SLC30A8: variants seen among roughly 807,000 people sequenced by gnomAD.
The protein encoded by SLC30A8 is solute carrier family 30 member 8.
Under a neutral mutation model 36.9 loss-of-function variants are expected in SLC30A8, and 27 were observed. That is an observed-to-expected ratio of 0.73 (90% CI 0.54 to 1.01). SLC30A8 has a LOEUF of 1.01. Among genes scored for constraint, SLC30A8 ranks in the 50% least tolerant of loss-of-function variants. The pLI, the probability that SLC30A8 is intolerant of heterozygous loss-of-function variation, is 0.00. For missense variants in SLC30A8, 439 were observed against 452.0 expected (o/e 0.97, Z 0.26); for synonymous variants, 164 against 172.4 (o/e 0.95, Z 0.38).
intron 2 of SLC30A8, among the ~76,000 whole-genome samples, chr8:117,093,519 C>A (rs1261509389): frequency 5.9e-5 from 9 of 151,976 alleles, no homozygotes; most frequent in African/African-American, 2.2e-4. Flanking sequence ...GATGCAGGAA[C>A]TTATATTGGT....
intron 1 of SLC30A8, among the ~76,000 whole-genome samples, chr8:116,968,639 A>G (rs1470492224): frequency 1.4e-5 from 2 of 137,990 alleles, no homozygotes; most frequent in South Asian, 2.4e-4. Context: ...TGCAGGTCTC[A>G]TGACAATGAA....
At chr8:116,986,223 T>C (rs774444458) in intron 1 of SLC30A8, among the ~76,000 whole-genome samples, 27 of 151,982 alleles carry the variant, frequency 1.8e-4, no homozygotes, top group Admixed American at 2.6e-4. Context: ...CACACATATA[T>C]GTGTTCATCT....
At chr8:117,000,388 A>G (rs997481667) in intron 1 of SLC30A8, among the ~76,000 whole-genome samples, 4 of 152,196 alleles carry the variant, frequency 2.6e-5, no homozygotes, top group Non-Finnish European at 5.9e-5. Context: ...TAAGGCTTGT[A>G]GAAATTGTGA....
intron 1 of SLC30A8, among the ~76,000 whole-genome samples, chr8:116,961,424 G>A (rs10107060): frequency 0.015 from 2,243 of 152,008 alleles, 62 homozygotes; most frequent in African/African-American, 0.051. Context: ...GCAAGACTCC[G>A]TCTCAAAACA....
intron 1 of SLC30A8, among the ~76,000 whole-genome samples, chr8:117,139,281 G>T (rs1010640345): frequency 2.0e-5 from 3 of 152,030 alleles, no homozygotes; most frequent in Non-Finnish European, 2.9e-5. Context: ...GGTTAATTGG[G>T]GTTATAAGAG....
chr8:116,971,331 A>G (rs2130617428), intron 1 of SLC30A8, among the ~76,000 whole-genome samples: 1 of 152,202 alleles, frequency 6.6e-6, no homozygotes, highest in African/African-American at 2.4e-5. Context: ...CACATCAACT[A>G]AATTAAAGTA....
intron 2 of SLC30A8, among the ~76,000 whole-genome samples, chr8:117,111,919 T>A (rs1195229779): frequency 1.3e-5 from 2 of 152,096 alleles, no homozygotes; most frequent in Non-Finnish European, 2.9e-5. Flanking sequence ...CCTTGTTTAA[T>A]ATCTGGAAAT....
chr8:116,997,004 T>G (rs1316915674), intron 1 of SLC30A8, among the ~76,000 whole-genome samples: 2 of 152,054 alleles, frequency 1.3e-5, no homozygotes, highest in Non-Finnish European at 2.9e-5. Context: ...GACGGAGTTT[T>G]GCTCTTGTCA....
intron 2 of SLC30A8, among the ~76,000 whole-genome samples, chr8:117,095,126 G>T (rs1314510446): frequency 1.3e-5 from 2 of 152,188 alleles, no homozygotes; most frequent in Admixed American, 1.3e-4. Flanking sequence ...GGCTGCAGCT[G>T]CGCCAGGGAG....
chr8:117,049,336 TA>T (rs1456730408), intron 2 of SLC30A8, among the ~76,000 whole-genome samples: 3 of 152,262 alleles, frequency 2.0e-5, no homozygotes, highest in African/African-American at 7.2e-5. Context: ...GATGTATACG[TA>T]GTTACAGAAA....
At chr8:117,012,724 TACACACACACACAC>T (rs376889831) in intron 1 of SLC30A8, among the ~76,000 whole-genome samples, 1 of 126,276 alleles carries the variant, frequency 7.9e-6, no homozygotes, top group Non-Finnish European at 1.7e-5. Context: ...GACATATGTA[TACACACACACACAC>T]ACACACACAC....
intron 2 of SLC30A8, among the ~76,000 whole-genome samples, chr8:117,085,154 A>G (rs1254104915): frequency 6.6e-6 from 1 of 152,100 alleles, no homozygotes; most frequent in Non-Finnish European, 1.5e-5. Flanking sequence ...TATAACTTCT[A>G]TTTGTTGAGC....
chr8:117,019,439 A>G (rs912661036), intron 1 of SLC30A8, among the ~76,000 whole-genome samples: 2 of 152,174 alleles, frequency 1.3e-5, no homozygotes, highest in African/African-American at 4.8e-5. Flanking sequence ...TTGATTCTAC[A>G]TTGCCTAATT....
intron 1 of SLC30A8, among the ~76,000 whole-genome samples, chr8:117,011,941 G>C (rs916116750): frequency 3.3e-5 from 5 of 152,134 alleles, no homozygotes; most frequent in African/African-American, 1.2e-4. Context: ...CCATGCACTT[G>C]TTTCACAGTG....
At chr8:117,163,356 T>C (rs1276242973) in intron 5 of SLC30A8, 69 bp from the exon 6 acceptor site, 2 of 1,233,730 alleles carry the variant, frequency 1.6e-6, no homozygotes, top group Non-Finnish European at 2.4e-6. Context: ...GTTTACTTAT[T>C]TTATTAATCA....
At chr8:116,990,052 T>C (rs1815577750) in intron 1 of SLC30A8, among the ~76,000 whole-genome samples, 1 of 152,232 alleles carries the variant, frequency 6.6e-6, no homozygotes, top group Non-Finnish European at 1.5e-5. Flanking sequence ...TTCAATTGAA[T>C]AGCAAGAACT....
chr8:117,144,201 G>GATT (rs1220849569), intron 1 of SLC30A8, among the ~76,000 whole-genome samples: 1 of 152,072 alleles, frequency 6.6e-6, no homozygotes, highest in Non-Finnish European at 1.5e-5. Flanking sequence ...AAATTCTGTG[G>GATT]TTATTATTAG....
chr8:117,138,974 A>G (rs1319008161), intron 1 of SLC30A8, among the ~76,000 whole-genome samples: 2 of 152,114 alleles, frequency 1.3e-5, no homozygotes, highest in Non-Finnish European at 2.9e-5. Flanking sequence ...TTTCAAGCAT[A>G]GGGACACTGT....
chr8:116,953,286 C>G (rs1814062657), intron 1 of SLC30A8, among the ~76,000 whole-genome samples: 1 of 152,072 alleles, frequency 6.6e-6, no homozygotes, highest in Admixed American at 6.6e-5. Flanking sequence ...TGATGGGCAT[C>G]AAGGTTGATT....
Sources: allele counts gnomAD v4.1 joint callset (sites outside exome capture counted in the v4.1 genomes callset), GRCh38; gene constraint gnomAD v4.1.1; transcripts MANE v1.5; gene names NCBI Gene and HGNC (gene_info 2026-07-23, HGNC 2026-07-21).